The following GTF2I variants were observed in gnomAD, a reference collection of about 807,000 sequenced individuals.
GTF2I encodes general transcription factor IIi.
A neutral mutation model predicts 67.6 loss-of-function variants in GTF2I; 12 were observed. The observed-to-expected ratio is 0.18, with a 90% CI of 0.11 to 0.29. The LOEUF (loss-of-function observed/expected upper bound fraction) is 0.29, where lower values mean the gene tolerates loss of function less well. GTF2I is among the 10% of genes least tolerant of loss of function. The probability of loss-of-function intolerance (pLI) is 1.00; values close to 1 mark genes in which losing one functional copy is unlikely to be tolerated. For missense variants in GTF2I, 271 were observed against 580.1 expected (o/e 0.47, Z 5.47); for synonymous variants, 149 against 197.0 (o/e 0.76, Z 2.04).
rs182821589 is a variant in GTF2I, at chr7:74,681,140, T to G, written c.-5-7984T>G. Among the ~76,000 whole-genome samples the G allele has an allele frequency of 5.5e-4, 83 of 152,020 alleles. 1 individual carries two copies. The highest frequency in any genetic ancestry group is 1.1e-3 in the Non-Finnish European group (76 of 67,916). Reference sequence around the variant, plus strand: ...TTGAGAATAGAAGAACTGAGGAGATTGAAAAAATGGGAGGCTGGGCGCAGT... The same window carrying G: ...TTGAGAATAGAAGAACTGAGGAGATGGAAAAAATGGGAGGCTGGGCGCAGT... On this transcript the variant is annotated intron_variant, in intron 1 of 34. Coordinates refer to ENST00000573035, the MANE Select transcript of GTF2I (RefSeq NM_032999.4).
At chr7:74,694,411 A>AC (rs1554397881) in intron 3 of GTF2I, among the ~76,000 whole-genome samples, 2 of 152,162 alleles carry the variant, frequency 1.3e-5, no homozygotes, top group Non-Finnish European at 2.9e-5. Flanking sequence ...CCCTGGTGAA[A>AC]CCCCGTCTCT....
chr7:74,678,218 CTTT>C (rs66564149), intron 1 of GTF2I, among the ~76,000 whole-genome samples: 15 of 119,508 alleles, frequency 1.3e-4, no homozygotes, highest in Non-Finnish European at 1.4e-4. Context: ...CTGAGCCCGG[CTTT>C]TTTTTTTTTT....
At chr7:74,683,862 G>GA (rs797029028) in intron 1 of GTF2I, among the ~76,000 whole-genome samples, 135 of 147,398 alleles carry the variant, frequency 9.2e-4, no homozygotes, top group African/African-American at 2.5e-3. Flanking sequence ...CCCCACCAAA[G>GA]AAAAAAAAAA....
chr7:74,716,965 A>C lies in GTF2I; in HGVS notation c.880+15A>C. On this transcript the variant is annotated intron_variant, in intron 11 of 34. Coordinates refer to ENST00000573035, the MANE Select transcript of GTF2I (RefSeq NM_032999.4). Reference sequence around the variant, plus strand: ...ACCAGCAGAAGGTTAGGAGAAAAAGAGATTGCATATTTTCCACTATTTGTT... The same window carrying C: ...ACCAGCAGAAGGTTAGGAGAAAAAGCGATTGCATATTTTCCACTATTTGTT... The C allele has an allele frequency of 6.3e-7, 1 of 1,590,804 alleles. No homozygotes were observed. Among genetic ancestry groups the C allele is most frequent in the Non-Finnish European group, 8.6e-7 (1 of 1,161,100 alleles).
chr7:74,716,703 G>T (rs959909979), intron 10 of GTF2I, 191 bp from the exon 11 acceptor site: 6 of 487,250 alleles, frequency 1.2e-5, no homozygotes, highest in Non-Finnish European at 2.2e-5. Context: ...AATTTTTTTA[G>T]CTTCCAAATA....
chr7:74,722,820 T>A (rs1793203615), intron 12 of GTF2I: 1 of 152,190 alleles, frequency 6.6e-6, no homozygotes, highest in Non-Finnish European at 1.5e-5. Flanking sequence ...TTGGAAAACT[T>A]CTGTGTTTTT....
At chr7:74,688,961 T>C (rs1368763180) in intron 1 of GTF2I, 163 bp from the exon 2 acceptor site, 8 of 550,624 alleles carry the variant, frequency 1.5e-5, no homozygotes, top group Non-Finnish European at 3.3e-6. Context: ...CTTTATCTTA[T>C]GAGGGTTTGG....
At chr7:74,735,691 A>C (rs1794813394) in intron 17 of GTF2I, among the ~76,000 whole-genome samples, 159 bp downstream of exon 17, 1 of 122,834 alleles carries the variant, frequency 8.1e-6, no homozygotes, top group Non-Finnish European at 1.8e-5. Flanking sequence ...TTTCTTGAGA[A>C]GGAGTCTTGC....
At chr7:74,694,668 G>A (rs1262252972) in intron 3 of GTF2I, among the ~76,000 whole-genome samples, 1 of 152,240 alleles carries the variant, frequency 6.6e-6, no homozygotes, top group Non-Finnish European at 1.5e-5. Flanking sequence ...ACTGCAGCAA[G>A]TTCTTTAGAA....
At chr7:74,679,040 G>T (rs780310419) in intron 1 of GTF2I, among the ~76,000 whole-genome samples, 161 of 151,092 alleles carry the variant, frequency 1.1e-3, no homozygotes, top group Non-Finnish European at 1.9e-3. Context: ...AAAATGCTGG[G>T]ATTACAGGCA....
chr7:74,674,262 T>G (rs587680643), intron 1 of GTF2I, among the ~76,000 whole-genome samples: 2 of 152,070 alleles, frequency 1.3e-5, no homozygotes, highest in East Asian at 3.9e-4. Context: ...AGAAGGGATC[T>G]CACTCTATTG....
intron 1 of GTF2I, among the ~76,000 whole-genome samples, chr7:74,658,929 C>T (rs957653697): frequency 1.3e-5 from 2 of 152,162 alleles, no homozygotes; most frequent in African/African-American, 4.8e-5. Context: ...TCCACTTTTT[C>T]TTAATCCAGC....
intron 1 of GTF2I, among the ~76,000 whole-genome samples, chr7:74,681,221 C>T (rs1182683902): frequency 2.6e-5 from 4 of 151,782 alleles, no homozygotes; most frequent in African/African-American, 9.7e-5. Flanking sequence ...GATCACCTGA[C>T]GTCAGTAGTT....
intron 7 of GTF2I, among the ~76,000 whole-genome samples, chr7:74,705,819 C>A (rs1554401196): frequency 6.6e-6 from 1 of 152,014 alleles, no homozygotes; most frequent in East Asian, 1.9e-4. Flanking sequence ...CTGCCTCGGC[C>A]TCCCAAAGTA....
chr7:74,682,524 G>C lies in GTF2I; in HGVS notation c.-5-6600G>C, dbSNP rs1787357423. Among the ~76,000 whole-genome samples the C allele has an allele frequency of 2.0e-5, 3 of 152,190 alleles. No homozygotes were observed. In the South Asian group the frequency reaches 6.2e-4, roughly 32 times the overall value. On this transcript the variant is annotated intron_variant, in intron 1 of 34. Transcript: ENST00000573035. ...CTTGTGGCCTGGGTTAACTTCTACTGGGTGGGCCAAGGAACCAAGTCTCGA... is the reference window on the plus strand; with the variant it reads ...CTTGTGGCCTGGGTTAACTTCTACTCGGTGGGCCAAGGAACCAAGTCTCGA...
At chr7:74,673,786 T>A (rs1470613559) in intron 1 of GTF2I, among the ~76,000 whole-genome samples, 1 of 150,176 alleles carries the variant, frequency 6.7e-6, no homozygotes, top group African/African-American at 2.5e-5. Flanking sequence ...GTTCAAGCGA[T>A]TCTCCCGCCT....
At chr7:74,677,641 G>T (rs1372276706) in intron 1 of GTF2I, among the ~76,000 whole-genome samples, 1 of 151,680 alleles carries the variant, frequency 6.6e-6, no homozygotes, top group Non-Finnish European at 1.5e-5. Context: ...AATTAGCCGG[G>T]CGTGGTGACA....
intron 2 of GTF2I, 140 bp from the exon 3 acceptor site, chr7:74,690,833 C>A: frequency 1.3e-6 from 1 of 757,140 alleles, no homozygotes; most frequent in Non-Finnish European, 2.2e-6. Flanking sequence ...TCTGTGTTGT[C>A]TTTTGTTTAA....
At chr7:74,673,417 C>T (rs1387571423) in intron 1 of GTF2I, among the ~76,000 whole-genome samples, 2 of 151,916 alleles carry the variant, frequency 1.3e-5, no homozygotes, top group African/African-American at 2.4e-5. Context: ...TCTCTTGTTG[C>T]CCAGGCTAGA....
Sources: gnomAD v4.1 joint callset for allele counts (sites outside exome capture counted in the v4.1 genomes callset) on GRCh38, gnomAD v4.1.1 for gene constraint, MANE v1.5 for transcripts, NCBI Gene and HGNC (gene_info 2026-07-23, HGNC 2026-07-21) for gene names.